THSD4: variants seen among roughly 807,000 people sequenced by gnomAD.
THSD4 encodes the protein thrombospondin type-1 domain-containing protein 4.
A neutral mutation model predicts 119.0 loss-of-function variants in THSD4; 69 were observed. The observed-to-expected ratio is 0.58, with a 90% CI of 0.48 to 0.71. The LOEUF is 0.71. THSD4 is among the 30% of genes least tolerant of loss of function. The pLI is 0.00. For synonymous variants in THSD4, 524 were observed against 540.4 expected (o/e 0.97, Z 0.42); for missense variants, 1,393 against 1,391.1 (o/e 1.00, Z -0.02).
chr15:71,371,185 A>T (rs2046041479), intron 6 of THSD4, among the ~76,000 whole-genome samples: 1 of 152,114 alleles, frequency 6.6e-6, no homozygotes, highest in Non-Finnish European at 1.5e-5. Flanking sequence ...AGCACATGAG[A>T]TGGGTCTCCT....
At chr15:71,242,509 C>T in intron 4 of THSD4, 140 bp from the exon 5 acceptor site, 1 of 870,986 alleles carries the variant, frequency 1.1e-6, no homozygotes, top group Non-Finnish European at 1.8e-6. Flanking sequence ...AATGCGTTCC[C>T]CCTGCTTCCC....
At chr15:71,727,531 T>TAAA (rs368424121) in intron 8 of THSD4, among the ~76,000 whole-genome samples, 3 of 15,696 alleles carry the variant, frequency 1.9e-4, no homozygotes, top group African/African-American at 9.2e-4. Flanking sequence ...CCCCATCTCT[T>TAAA]AAAAAAAAAA....
chr15:71,364,056 G>T (rs2045926451), intron 6 of THSD4, among the ~76,000 whole-genome samples: 1 of 152,202 alleles, frequency 6.6e-6, no homozygotes, highest in Non-Finnish European at 1.5e-5. Context: ...CTAGACAGGA[G>T]GTTTTCTGAT....
intron 7 of THSD4, among the ~76,000 whole-genome samples, chr15:71,464,114 T>C (rs914026882): frequency 1.3e-5 from 2 of 152,220 alleles, no homozygotes; most frequent in African/African-American, 4.8e-5. Flanking sequence ...GACTTAGCCA[T>C]TTGTTTTGGC....
At chr15:71,454,769 T>C (rs1320613998) in intron 7 of THSD4, among the ~76,000 whole-genome samples, 1 of 152,100 alleles carries the variant, frequency 6.6e-6, no homozygotes, top group Non-Finnish European at 1.5e-5. Flanking sequence ...CAATCTCAGC[T>C]CTCCAAACAT....
chr15:71,423,374 T>C (rs1297569371), intron 7 of THSD4, among the ~76,000 whole-genome samples: 17 of 152,114 alleles, frequency 1.1e-4, no homozygotes, highest in Admixed American at 1.1e-3. Context: ...CTGCTGCTGA[T>C]TATTCAGGGC....
At chr15:71,296,024 A>G (rs957755137) in intron 6 of THSD4, among the ~76,000 whole-genome samples, 2 of 152,200 alleles carry the variant, frequency 1.3e-5, no homozygotes, top group Admixed American at 6.5e-5. Flanking sequence ...TAATATGGCA[A>G]TTGTATGATA....
At chr15:71,559,544 A>G (rs988696505) in intron 7 of THSD4, among the ~76,000 whole-genome samples, 5 of 145,952 alleles carry the variant, frequency 3.4e-5, no homozygotes, top group African/African-American at 1.2e-4. Context: ...CATAAGACAC[A>G]TTTTTATCCT....
intron 8 of THSD4, among the ~76,000 whole-genome samples, chr15:71,675,724 A>C (rs2051632486): frequency 6.6e-6 from 1 of 152,184 alleles, no homozygotes; most frequent in Non-Finnish European, 1.5e-5. Context: ...TCTGCATTTT[A>C]TAGTTGAGGG....
chr15:71,457,820 T>C (rs1468184184), intron 7 of THSD4, among the ~76,000 whole-genome samples: 2 of 152,196 alleles, frequency 1.3e-5, no homozygotes, highest in Non-Finnish European at 2.9e-5. Context: ...GGTCTTAGCA[T>C]GTCTTTGGTT....
chr15:71,628,724 G>A (rs1322191116), intron 7 of THSD4, among the ~76,000 whole-genome samples: 1 of 152,202 alleles, frequency 6.6e-6, no homozygotes, highest in Non-Finnish European at 1.5e-5. Flanking sequence ...TGATGGAGAC[G>A]TTCAAGAGTC....
chr15:71,108,827 T>TA (rs992062110), intron 1 of THSD4, among the ~76,000 whole-genome samples: 3 of 151,900 alleles, frequency 2.0e-5, no homozygotes, highest in African/African-American at 7.3e-5. Flanking sequence ...CCATCTCTAC[T>TA]AAAAAAATAC....
intron 7 of THSD4, among the ~76,000 whole-genome samples, chr15:71,600,206 T>A (rs755199010): frequency 5.3e-5 from 8 of 149,660 alleles, no homozygotes; most frequent in Non-Finnish European, 4.5e-5. Context: ...GAAAGCTCTG[T>A]ATTTCAAAGT....
intron 2 of THSD4, among the ~76,000 whole-genome samples, chr15:71,149,199 G>A (rs111861504): frequency 9.9e-5 from 15 of 151,928 alleles, no homozygotes; most frequent in Non-Finnish European, 1.8e-4. Flanking sequence ...ACTGTTGTCA[G>A]AAGAAGGCAG....
rs148687882 is a variant in THSD4 at position 71,680,639 on chromosome 15, C to T, written c.1357+19905C>T. Among the ~76,000 whole-genome samples, 631 of 152,258 alleles carry T rather than the reference C, an allele frequency of 4.1e-3. 8 individuals are homozygous for T. The highest frequency in any genetic ancestry group is 0.015 in the African/African-American group (604 of 41,556). ...AATTTGAATTATCAGTTTCACTGGC[C>T]AAAGGACCCAAAGTACTGTCTCAAA... On this transcript the variant is annotated intron_variant, in intron 8 of 17. Transcript: ENST00000261862.
At chr15:71,336,734 A>G (rs1334815945) in intron 6 of THSD4, among the ~76,000 whole-genome samples, 1 of 152,216 alleles carries the variant, frequency 6.6e-6, no homozygotes, top group East Asian at 1.9e-4. Context: ...TTATTTGGCA[A>G]TTTGGATACA....
At chr15:71,600,879 T>C (rs999322498) in intron 7 of THSD4, among the ~76,000 whole-genome samples, 5 of 151,982 alleles carry the variant, frequency 3.3e-5, no homozygotes, top group Non-Finnish European at 7.4e-5. Context: ...CCTGAGTAGC[T>C]GGGATTACAG....
At chr15:71,561,647 G>T (rs1416792776) in intron 7 of THSD4, among the ~76,000 whole-genome samples, 3 of 152,118 alleles carry the variant, frequency 2.0e-5, no homozygotes, top group African/African-American at 7.2e-5. Context: ...AACCAAATCT[G>T]ATGACCCACA....
intron 6 of THSD4, among the ~76,000 whole-genome samples, chr15:71,288,263 T>A (rs1046000464): frequency 2.0e-5 from 3 of 152,196 alleles, no homozygotes; most frequent in Non-Finnish European, 2.9e-5. Context: ...GTCATTTTGA[T>A]CCATTTTTGA....
Sources: gnomAD v4.1 joint callset for allele counts (sites outside exome capture counted in the v4.1 genomes callset) on GRCh38, gnomAD v4.1.1 for gene constraint, MANE v1.5 for transcripts, NCBI Gene and HGNC (gene_info 2026-07-23, HGNC 2026-07-21) for gene names.